Variants in MSH4 observed in about 807,000 individuals in gnomAD.
The protein encoded by MSH4 is mutS protein homolog 4.
A neutral mutation model predicts 113.7 loss-of-function variants in MSH4; 106 were observed. That is an observed-to-expected ratio of 0.93 (90% CI 0.80 to 1.10). MSH4 has a LOEUF of 1.10. MSH4 is among the 50% of genes least tolerant of loss of function. The probability of loss-of-function intolerance (pLI) is 0.00; values close to 1 mark genes in which losing one functional copy is unlikely to be tolerated. For missense variants in MSH4, 1,061 were observed against 1,093.7 expected (o/e 0.97, Z 0.42); for synonymous variants, 368 against 380.2 (o/e 0.97, Z 0.37).
chr1:75,864,017 C>T (rs1651513953), intron 8 of MSH4, among the ~76,000 whole-genome samples: 1 of 152,094 alleles, frequency 6.6e-6, no homozygotes, highest in Non-Finnish European at 1.5e-5. Context: ...TTATTTTCTA[C>T]CTGTCTCCAA....
In MSH4 at chr1:75,807,034, G is replaced by A; in HGVS notation, c.481G>A (p.Val161Ile). 6.3e-7 allele frequency: 1 copy of A among 1,588,228 alleles called. No homozygotes were observed. The highest frequency in any genetic ancestry group is 8.5e-7 in the Non-Finnish European group (1 of 1,172,244). Residue 161 changes from valine to isoleucine, a missense_variant, in exon 3 of 20, where the codon GTA becomes ATA. Val to Ile is a conservative substitution (Grantham distance 29). Coordinates refer to ENST00000263187, the MANE Select transcript of MSH4 (RefSeq NM_002440.4). ...CTCCCCATCAGTTATTGTAGCTGTTGTAGAAGGGAGAGGACTTGCCAGAGG... is the reference window on the plus strand; with the variant it reads ...CTCCCCATCAGTTATTGTAGCTGTTATAGAAGGGAGAGGACTTGCCAGAGG... Reference protein sequence around the residue: ...AHSPSVIVAVVEGRGLARGEI... With the variant: ...AHSPSVIVAVIEGRGLARGEI...
intron 18 of MSH4, among the ~76,000 whole-genome samples, chr1:75,899,023 T>G (rs972407576): frequency 6.6e-6 from 1 of 152,216 alleles, no homozygotes; most frequent in African/African-American, 2.4e-5. Flanking sequence ...CAATAAATTT[T>G]GATGTTGCTT....
rs374529372 is a variant in MSH4, at chr1:75,796,959, T to C, written c.-27T>C. 6.2e-7 allele frequency: 1 copy of C among 1,612,854 alleles called. No individual in the cohort carries two copies. Among genetic ancestry groups the C allele is most frequent in the African/African-American group, 1.3e-5 (1 of 75,030 alleles). On this transcript the variant is annotated 5_prime_UTR_variant, in exon 1 of 20. Transcript: ENST00000263187. Reference sequence around the variant, plus strand: ...GAGGGGTCGCTCAGAAACCTCATACTTCTCGGGTCAGGGAAGGTTTGGGAG... The same window carrying C: ...GAGGGGTCGCTCAGAAACCTCATACCTCTCGGGTCAGGGAAGGTTTGGGAG...
chr1:75,801,651 A>C (rs1442185950), intron 1 of MSH4, among the ~76,000 whole-genome samples: 2 of 150,574 alleles, frequency 1.3e-5, no homozygotes, highest in Admixed American at 6.6e-5. Flanking sequence ...AAGTGGGAGG[A>C]TTGCTTGAGG....
At chr1:75,870,604 G>C (rs1191743213) in intron 9 of MSH4, among the ~76,000 whole-genome samples, 1 of 152,122 alleles carries the variant, frequency 6.6e-6, no homozygotes, top group Admixed American at 6.5e-5. Flanking sequence ...TTGTTTAAAG[G>C]GGAGTTCCCC....
At chr1:75,819,530 G>T (rs187879509) in intron 6 of MSH4, among the ~76,000 whole-genome samples, 1 of 152,182 alleles carries the variant, frequency 6.6e-6, no homozygotes, top group Admixed American at 6.5e-5. Context: ...ATCGCCATTA[G>T]GCTGTAAGGT....
intron 2 of MSH4, 148 bp from the exon 3 acceptor site, chr1:75,806,833 T>G (rs1193548035): frequency 1.5e-6 from 1 of 661,518 alleles, no homozygotes; most frequent in African/African-American, 1.9e-5. Context: ...AACCAATAGA[T>G]CCTTTAGGGA....
chr1:75,797,385 T>C (rs1649840792), intron 1 of MSH4, among the ~76,000 whole-genome samples, 156 bp downstream of exon 1: 1 of 152,108 alleles, frequency 6.6e-6, no homozygotes. Flanking sequence ...TCTGGGTGAT[T>C]AGAAGCCTTG....
intron 14 of MSH4, among the ~76,000 whole-genome samples, chr1:75,882,227 C>G (rs1299443180): frequency 3.3e-5 from 5 of 151,994 alleles, no homozygotes; most frequent in Admixed American, 3.3e-4. Context: ...TGTTTTTAAA[C>G]TATTAAGAGA....
In MSH4 at chr1:75,807,039, A is replaced by T. The variant is rs773612548; in HGVS notation, c.486A>T (p.Glu162Asp). Residue 162 changes from glutamate to aspartate, a missense_variant, in exon 3 of 20, where the codon GAA becomes GAT. By Grantham distance (45) the Glu-to-Asp change is conservative. Transcript: ENST00000263187. Reference protein sequence around the residue: ...HSPSVIVAVVEGRGLARGEIG... With the variant: ...HSPSVIVAVVDGRGLARGEIG... ...CATCAGTTATTGTAGCTGTTGTAGA[A>T]GGGAGAGGACTTGCCAGAGGTGAAA... The T allele has an allele frequency of 5.7e-6, 9 of 1,590,234 alleles. No homozygotes were observed. The South Asian group carries it at 9.3e-5, about 17-fold the overall frequency.
chr1:75,808,332 GCTCATAACTGT>G (rs1650113991), intron 3 of MSH4, among the ~76,000 whole-genome samples: 1 of 152,218 alleles, frequency 6.6e-6, no homozygotes, highest in Non-Finnish European at 1.5e-5. Flanking sequence ...CAATTTGTCT[GCTCATAACTGT>G]TATTATACCT....
chr1:75,872,275 C>T (rs1004402824), intron 9 of MSH4, among the ~76,000 whole-genome samples: 3 of 152,170 alleles, frequency 2.0e-5, no homozygotes, highest in Non-Finnish European at 2.9e-5. Flanking sequence ...AGGGCCAAGA[C>T]TGATGTGCAT....
chr1:75,891,333 T>C (rs1652247938), intron 17 of MSH4, among the ~76,000 whole-genome samples: 2 of 152,208 alleles, frequency 1.3e-5, no homozygotes, highest in Non-Finnish European at 1.5e-5. Flanking sequence ...ACTCACAATA[T>C]ATACAGATAT....
chr1:75,832,589 G>C (rs12079211), intron 7 of MSH4, among the ~76,000 whole-genome samples: 8,917 of 152,116 alleles, frequency 0.059, 465 homozygotes, highest in African/African-American at 0.14. Context: ...TATCCACCAC[G>C]ATCAAGGCGG....
chr1:75,905,648 TGAAGACCCC>T (rs1355834182), intron 19 of MSH4, among the ~76,000 whole-genome samples: 5 of 152,192 alleles, frequency 3.3e-5, no homozygotes, highest in African/African-American at 9.7e-5. Context: ...AATGGAATGT[TGAAGACCCC>T]TACTAGTATT....
rs1320535645 is a variant in MSH4 at position 75,890,703 on chromosome 1, A to G, written c.2234A>G (p.Tyr745Cys). 4.6e-6 allele frequency: 7 copies of G among 1,516,042 alleles called. No individual in the cohort carries two copies. The highest frequency in any genetic ancestry group is 2.3e-5 in the East Asian group (1 of 43,878). The allele number at this position is 1,516,042 out of a possible 1,614,324, so 93.9% of individuals were successfully genotyped here. A position where few individuals can be genotyped will look rare whatever the true frequency, so the allele number is the denominator to read the frequency against. Reference sequence around the variant, plus strand: ...TAAAATTATATATTTCAGATAGCATATATTCTACATAATGCTAATGACAAA... The same window carrying G: ...TAAAATTATATATTTCAGATAGCATGTATTCTACATAATGCTAATGACAAA... ...TFMKEMKEIAYILHNANDKSL... is the reference protein window; with the variant it reads ...TFMKEMKEIACILHNANDKSL... The change falls in exon 17 of 20, where the codon TAT (tyrosine) becomes TGT (cysteine). Residue 745 changes from tyrosine to cysteine, a missense_variant. Transcript: ENST00000263187.
At chr1:75,877,140 A>G (rs1651833720) in intron 10 of MSH4, 140 bp downstream of exon 10, 1 of 441,726 alleles carries the variant, frequency 2.3e-6, no homozygotes. Flanking sequence ...ATTCATCAAA[A>G]TTCTAATTGT....
At chr1:75,798,347 C>G (rs1649864606) in intron 1 of MSH4, among the ~76,000 whole-genome samples, 1 of 152,064 alleles carries the variant, frequency 6.6e-6, no homozygotes, top group Non-Finnish European at 1.5e-5. Flanking sequence ...CTGCTACCTC[C>G]CAGAGAATTG....
intron 9 of MSH4, among the ~76,000 whole-genome samples, chr1:75,876,040 A>C (rs996942169): frequency 6.6e-6 from 1 of 152,186 alleles, no homozygotes; most frequent in African/African-American, 2.4e-5. Flanking sequence ...TAAGGTGTAC[A>C]TGAAACATAA....
Sources: gnomAD v4.1 joint callset for allele counts (sites outside exome capture counted in the v4.1 genomes callset) on GRCh38, gnomAD v4.1.1 for gene constraint, MANE v1.5 for transcripts, NCBI Gene and HGNC (gene_info 2026-07-23, HGNC 2026-07-21) for gene names.